The following TMEM245 variants were observed in gnomAD, a reference collection of about 807,000 sequenced individuals.
TMEM245 encodes protein CG-2.
In TMEM245, 69 loss-of-function variants were observed where a neutral mutation model predicts 101.2. The ratio of observed to expected loss-of-function variants is 0.68; its 90% CI spans 0.56 to 0.83. The LOEUF (loss-of-function observed/expected upper bound fraction) is 0.83. TMEM245 is among the 40% of genes least tolerant of loss of function. The pLI is 0.00. For synonymous variants in TMEM245, 537 were observed against 449.8 expected (o/e 1.19, Z -2.45); for missense variants, 1,075 against 1,092.8 (o/e 0.98, Z 0.23).
chr9:109,027,205 T>C lies in TMEM245; in HGVS notation c.2594+6102A>G, dbSNP rs558365383. 3.3e-5 allele frequency among the ~76,000 whole-genome samples: 5 copies of C among 152,052 alleles called. No homozygotes were observed. The East Asian group carries it at 9.7e-4, about 30-fold the overall frequency. On this transcript the variant is annotated intron_variant, in intron 17 of 17. Transcript: ENST00000374586. Reference sequence around the variant, plus strand: ...GTAACTCCGGAAGTAGGGTGGGAGATGGGGGTAAACACAGGACTGCTTTAC... The same window carrying C: ...GTAACTCCGGAAGTAGGGTGGGAGACGGGGGTAAACACAGGACTGCTTTAC...
chr9:109,115,075 A>G (rs1175725538), intron 1 of TMEM245, among the ~76,000 whole-genome samples: 1 of 152,222 alleles, frequency 6.6e-6, no homozygotes, highest in Non-Finnish European at 1.5e-5. Flanking sequence ...GGCCAGGCGC[A>G]GTAGCTCATG....
At chr9:109,101,368 A>G (rs534531063) in intron 3 of TMEM245, among the ~76,000 whole-genome samples, 1 of 152,334 alleles carries the variant, frequency 6.6e-6, no homozygotes, top group African/African-American at 2.4e-5. Context: ...TTGTGGCAGT[A>G]TACTAAAGCA....
At chr9:109,083,920 A>AAAAAAAAAAC (rs1829754997) in intron 7 of TMEM245, among the ~76,000 whole-genome samples, 2 of 144,122 alleles carry the variant, frequency 1.4e-5, no homozygotes, top group Admixed American at 1.4e-4. Flanking sequence ...AAAAAAAAAA[A>AAAAAAAAAAC]AAAAAAAAAC....
At chr9:109,057,358 T>A (rs753348437) in intron 11 of TMEM245, 36 bp from the exon 12 acceptor site, 51 of 1,595,030 alleles carry the variant, frequency 3.2e-5, no homozygotes, top group Non-Finnish European at 4.2e-5. Flanking sequence ...GAAATTCCCA[T>A]CTTAATCTAA....
In TMEM245 at chr9:109,020,289, C is replaced by G; in HGVS notation, c.*171G>C. Reference sequence around the variant, plus strand: ...GCTGTGTTTTAAAATACAAAGCAGCCCGCAGCAAGTTCTCTCTTGTCCAGG... The same window carrying G: ...GCTGTGTTTTAAAATACAAAGCAGCGCGCAGCAAGTTCTCTCTTGTCCAGG... On this transcript the variant is annotated 3_prime_UTR_variant, in exon 18 of 18. Transcript: ENST00000374586. 1 of 724,002 alleles carries G rather than the reference C, an allele frequency of 1.4e-6. No homozygotes were observed. The allele number at this position is 724,002 out of a possible 1,614,324, so 44.8% of individuals were successfully genotyped here.
chr9:109,038,421 A>G (rs977017584), intron 14 of TMEM245: 1 of 197,582 alleles, frequency 5.1e-6, no homozygotes, highest in African/African-American at 2.3e-5. Context: ...TAATTCATCA[A>G]CTTTTCACTC....
intron 3 of TMEM245, among the ~76,000 whole-genome samples, chr9:109,100,287 G>C (rs768143515): frequency 1.3e-5 from 2 of 151,954 alleles, no homozygotes; most frequent in African/African-American, 4.8e-5. Flanking sequence ...AAGAACGCTG[G>C]GCTTAGGGTC....
chr9:109,108,366 C>T (rs1479239404), intron 2 of TMEM245, 87 bp downstream of exon 2: 8 of 596,582 alleles, frequency 1.3e-5, no homozygotes, highest in Admixed American at 4.0e-5. Context: ...TATGACACTA[C>T]AAAAAATTCA....
intron 17 of TMEM245, among the ~76,000 whole-genome samples, chr9:109,032,071 T>C (rs1827959188): frequency 6.6e-6 from 1 of 152,166 alleles, no homozygotes; most frequent in Non-Finnish European, 1.5e-5. Context: ...TCTCTCCCTC[T>C]CCCAGTTCTG....
At chr9:109,084,352 A>G (rs968395323) in intron 7 of TMEM245, among the ~76,000 whole-genome samples, 5 of 152,194 alleles carry the variant, frequency 3.3e-5, no homozygotes, top group African/African-American at 4.8e-5. Context: ...TCTTTACACC[A>G]ATGCTTTACT....
At position 109,119,549 on chromosome 9, in the gene TMEM245, G is replaced by C; in HGVS notation, c.365C>G (p.Ala122Gly). The change falls in exon 1 of 18, where the codon GCC (alanine) becomes GGC (glycine). Residue 122 changes from alanine to glycine, a missense_variant. Coordinates refer to ENST00000374586, the MANE Select transcript of TMEM245 (RefSeq NM_032012.4). The stretch of plus-strand genomic sequence containing the variant: ...GAAGCAGAGCGGCAGGAGCAGCGCG[G>C]CCAGGACGATGGGCGTGTGCGCGCG... ...LHRAHTPIVLAALLLPLCFVD... is the reference protein window; with the variant it reads ...LHRAHTPIVLGALLLPLCFVD... 1 of 1,534,316 alleles carries C rather than the reference G, an allele frequency of 6.5e-7. No homozygotes were observed. The highest frequency in any genetic ancestry group is 1.2e-5 in the South Asian group (1 of 83,614).
At chr9:109,062,170 T>C (rs2132441854) in intron 10 of TMEM245, among the ~76,000 whole-genome samples, 1 of 152,154 alleles carries the variant, frequency 6.6e-6, no homozygotes, top group Non-Finnish European at 1.5e-5. Flanking sequence ...CAGACAGAGC[T>C]AATTTTCTTA....
At chr9:109,051,767 T>C (rs1273899518) in intron 12 of TMEM245, among the ~76,000 whole-genome samples, 1 of 152,196 alleles carries the variant, frequency 6.6e-6, no homozygotes, top group Non-Finnish European at 1.5e-5. Flanking sequence ...ATTTATCTTG[T>C]AGGATCCTAA....
Position 109,119,940 on chromosome 9 carries a change from G to C in TMEM245, c.-27C>G, listed in dbSNP as rs190183975. The C allele has an allele frequency of 2.5e-4, 324 of 1,294,546 alleles. 1 individual carries two copies. Among genetic ancestry groups the C allele is most frequent in the Non-Finnish European group, 3.0e-4 (310 of 1,025,416 alleles). The allele number at this position is 1,294,546 out of a possible 1,614,324, so 80.2% of individuals were successfully genotyped here. A position where few individuals can be genotyped will look rare whatever the true frequency, so the allele number is the denominator to read the frequency against. On this transcript the variant is annotated 5_prime_UTR_variant, in exon 1 of 18. Coordinates refer to ENST00000374586, the MANE Select transcript of TMEM245 (RefSeq NM_032012.4). ...GTTCCTCCGCCACAGCCGCCCCCGAGGGGCGGTAATGGGAGTCGGGCTAGA... is the reference window on the plus strand; with the variant it reads ...GTTCCTCCGCCACAGCCGCCCCCGACGGGCGGTAATGGGAGTCGGGCTAGA...
chr9:109,091,161 A>G lies in TMEM245; in HGVS notation c.917-6T>C. The G allele has an allele frequency of 6.2e-7, 1 of 1,611,798 alleles. No individual in the cohort carries two copies. Among genetic ancestry groups the G allele is most frequent in the South Asian group, 1.1e-5 (1 of 90,926 alleles). ...TTCTCCCCTGTCCACTGCTTCTGAAAAGGAAAAGAAAAACACCACACACCG... is the reference window on the plus strand; with the variant it reads ...TTCTCCCCTGTCCACTGCTTCTGAAGAGGAAAAGAAAAACACCACACACCG... On this transcript the variant is annotated splice_polypyrimidine_tract_variant and splice_region_variant and intron_variant, in intron 4 of 17. Transcript: ENST00000374586.
chr9:109,047,574 A>T (rs371960660), intron 14 of TMEM245, among the ~76,000 whole-genome samples: 3 of 152,360 alleles, frequency 2.0e-5, no homozygotes, highest in Admixed American at 6.5e-5. Flanking sequence ...AACAGCTAGG[A>T]ATTAAGTTTA....
At chr9:109,041,623 C>T (rs1412120340) in intron 14 of TMEM245, among the ~76,000 whole-genome samples, 3 of 151,562 alleles carry the variant, frequency 2.0e-5, no homozygotes, top group Non-Finnish European at 4.4e-5. Flanking sequence ...TACAAAGTTT[C>T]AGTTAGGATG....
At chr9:109,049,419 T>C (rs1828604241) in intron 14 of TMEM245, among the ~76,000 whole-genome samples, 1 of 152,188 alleles carries the variant, frequency 6.6e-6, no homozygotes, top group South Asian at 2.1e-4. Flanking sequence ...CTCGCTATGC[T>C]GCCCAGGTTG....
chr9:109,101,958 ACTTATATT>A (rs1355481483), intron 3 of TMEM245, among the ~76,000 whole-genome samples: 2 of 152,202 alleles, frequency 1.3e-5, no homozygotes, highest in Non-Finnish European at 2.9e-5. Flanking sequence ...GACTTGCATT[ACTTATATT>A]CTTATAACAA....
Sources: gnomAD v4.1 joint callset for allele counts (sites outside exome capture counted in the v4.1 genomes callset) on GRCh38, gnomAD v4.1.1 for gene constraint, MANE v1.5 for transcripts, NCBI Gene and HGNC (gene_info 2026-07-23, HGNC 2026-07-21) for gene names.